Variants in DLC1 observed in about 807,000 individuals in gnomAD.
DLC1 encodes the protein DLC1 Rho GTPase activating protein.
A neutral mutation model predicts 140.3 loss-of-function variants in DLC1; 54 were observed. The observed-to-expected ratio is 0.38, with a 90% confidence interval of 0.31 to 0.48. DLC1 has a LOEUF of 0.48. Ranked by LOEUF, DLC1 falls within the 20% of genes least tolerant of loss-of-function variation. The pLI, the probability that DLC1 is intolerant of heterozygous loss-of-function variation, is 0.96. For synonymous variants in DLC1, 986 were observed against 728.1 expected, an observed-to-expected ratio of 1.35 and a Z score of -5.70; for missense variants, 2,536 against 1,907.0, an observed-to-expected ratio of 1.33 and a Z score of -6.14.
chr8:13,529,281 T>G (rs1234395213), intron 1 of DLC1, among the ~76,000 whole-genome samples: 1 of 152,182 alleles, frequency 6.6e-6, no homozygotes, highest in African/African-American at 2.4e-5. Flanking sequence ...ATTAGGGAGT[T>G]TAAAGATAAT....
intron 2 of DLC1, among the ~76,000 whole-genome samples, chr8:13,434,927 G>A (rs1180848394): frequency 6.6e-6 from 1 of 152,028 alleles, no homozygotes; most frequent in Non-Finnish European, 1.5e-5. Flanking sequence ...CGATCCACCC[G>A]CCTTGGCCTC....
At chr8:13,532,736 T>C (rs572048365) in intron 1 of DLC1, among the ~76,000 whole-genome samples, 1 of 152,308 alleles carries the variant, frequency 6.6e-6, no homozygotes, top group African/African-American at 2.4e-5. Flanking sequence ...ACTACAGGTG[T>C]GAGCCACCAG....
intron 1 of DLC1, among the ~76,000 whole-genome samples, chr8:13,580,121 A>ATTTTTTTTT (rs71207167): frequency 0.5 from 75,029 of 150,416 alleles, 18,953 homozygotes; most frequent in South Asian, 0.56. Flanking sequence ...AGTTGGTTAC[A>ATTTTTTTTT]TTTATTTTTT....
At chr8:13,379,454 A>G (rs1161729325) in intron 4 of DLC1, among the ~76,000 whole-genome samples, 2 of 152,100 alleles carry the variant, frequency 1.3e-5, no homozygotes, top group African/African-American at 4.8e-5. Context: ...TAACACTTAC[A>G]TTAACCTACA....
chr8:13,217,873 T>C (rs912783805), intron 5 of DLC1, among the ~76,000 whole-genome samples: 1 of 151,358 alleles, frequency 6.6e-6, no homozygotes, highest in African/African-American at 2.4e-5. Context: ...ACCAACCAAC[T>C]AAAAGTTGTT....
At chr8:13,428,689 C>T (rs892306689) in intron 2 of DLC1, among the ~76,000 whole-genome samples, 1 of 151,416 alleles carries the variant, frequency 6.6e-6, no homozygotes, top group African/African-American at 2.4e-5. Context: ...TCTGTTGAGT[C>T]TCTGAGAGTT....
At position 13,338,724 on chromosome 8, in the gene DLC1, A is replaced by C. The variant is rs1208854774; in HGVS notation, c.1315-33422T>G. On this transcript the variant is annotated intron_variant, in intron 4 of 17. Transcript: ENST00000276297. Reference sequence around the variant, plus strand: ...TTGAAGGGCTCACCTCATCCCAAAAACCAGTGGTTCCACACCCAGATCACA... The same window carrying C: ...TTGAAGGGCTCACCTCATCCCAAAACCCAGTGGTTCCACACCCAGATCACA... 5.3e-5 allele frequency: 8 copies of C among 152,094 alleles called. No individual in the cohort carries two copies. The South Asian group carries it at 1.5e-3, about 28-fold the overall frequency. 9.4% of individuals were successfully genotyped at this position (152,094 alleles called of 1,614,324 possible). A position where few individuals can be genotyped will look rare whatever the true frequency, so the allele number is the denominator to read the frequency against.
intron 2 of DLC1, among the ~76,000 whole-genome samples, chr8:13,467,386 T>G (rs1333159458): frequency 6.6e-6 from 1 of 151,448 alleles, no homozygotes; most frequent in African/African-American, 2.4e-5. Context: ...TCCTCTCCCC[T>G]CCCCTCTCCT....
intron 4 of DLC1, among the ~76,000 whole-genome samples, chr8:13,363,089 G>T (rs757233462): frequency 8.5e-5 from 13 of 152,126 alleles, no homozygotes; most frequent in Admixed American, 4.6e-4. Context: ...CCTACACTTT[G>T]TGGGGGATGT....
At chr8:13,383,237 T>C (rs1836354136) in intron 4 of DLC1, among the ~76,000 whole-genome samples, 1 of 152,184 alleles carries the variant, frequency 6.6e-6, no homozygotes, top group Non-Finnish European at 1.5e-5. Flanking sequence ...ATGTGCCCTG[T>C]TGTTTTTCAG....
intron 5 of DLC1, among the ~76,000 whole-genome samples, chr8:13,288,970 A>C (rs1831645793): frequency 6.6e-6 from 1 of 152,178 alleles, no homozygotes; most frequent in African/African-American, 2.4e-5. Flanking sequence ...TGATTTTTGC[A>C]GTGTTACTTG....
intron 4 of DLC1, chr8:13,353,460 G>T (rs947211547): frequency 6.6e-6 from 1 of 151,692 alleles, no homozygotes; most frequent in East Asian, 1.9e-4. Context: ...GTGTGGTTTT[G>T]AAGAGAATAT....
intron 1 of DLC1, chr8:13,566,998 A>T: frequency 6.5e-7 from 1 of 1,544,792 alleles, no homozygotes; most frequent in Non-Finnish European, 8.8e-7. Context: ...TGTGATGGCC[A>T]TCTGCCCAGA....
intron 2 of DLC1, among the ~76,000 whole-genome samples, chr8:13,431,344 G>T (rs987553777): frequency 6.6e-6 from 1 of 151,568 alleles, no homozygotes; most frequent in South Asian, 2.1e-4. Context: ...TTAGCCGGGC[G>T]AGGTGACGGG....
At chr8:13,321,670 C>T (rs1356589132) in intron 4 of DLC1, among the ~76,000 whole-genome samples, 1 of 151,442 alleles carries the variant, frequency 6.6e-6, no homozygotes, top group Non-Finnish European at 1.5e-5. Context: ...TGCAGGAAGT[C>T]ACCATCATAC....
intron 2 of DLC1, among the ~76,000 whole-genome samples, chr8:13,412,919 G>C (rs1202107772): frequency 1.6e-5 from 2 of 122,314 alleles, no homozygotes; most frequent in African/African-American, 6.0e-5. Flanking sequence ...GCGACAGAGC[G>C]AGACTCCATC....
intron 4 of DLC1, among the ~76,000 whole-genome samples, chr8:13,384,373 C>G (rs1044826298): frequency 8.1e-6 from 1 of 123,234 alleles, no homozygotes; most frequent in African/African-American, 2.9e-5. Context: ...TGTGTGTGAG[C>G]GTGCGCGTGT....
chr8:13,453,570 T>C (rs1384656242), intron 2 of DLC1, among the ~76,000 whole-genome samples: 4 of 114,924 alleles, frequency 3.5e-5, no homozygotes, highest in Non-Finnish European at 6.9e-5. Context: ...TTTTTTTTTT[T>C]TTTTCAGATA....
chr8:13,392,177 C>A (rs1836791960), intron 4 of DLC1, among the ~76,000 whole-genome samples: 1 of 152,140 alleles, frequency 6.6e-6, no homozygotes. Flanking sequence ...CTCCTATTCC[C>A]AATATATGCA....
Sources: gnomAD v4.1 joint callset for allele counts (sites outside exome capture counted in the v4.1 genomes callset) on GRCh38, gnomAD v4.1.1 for gene constraint, MANE v1.5 for transcripts, NCBI Gene and HGNC (gene_info 2026-07-23, HGNC 2026-07-21) for gene names.